The following L3MBTL4 variants were observed in gnomAD, a reference collection of about 807,000 sequenced individuals.
L3MBTL4 encodes the protein lethal(3)malignant brain tumor-like protein 4.
In L3MBTL4, 70 loss-of-function variants were observed where a neutral mutation model predicts 84.5. The observed-to-expected ratio is 0.83, with a 90% CI of 0.68 to 1.01. The LOEUF (loss-of-function observed/expected upper bound fraction) is 1.01, where lower values mean the gene tolerates loss of function less well. L3MBTL4 is among the 50% of genes least tolerant of loss of function. The probability of loss-of-function intolerance (pLI) is 0.00; values close to 1 mark genes in which losing one functional copy is unlikely to be tolerated. For missense variants in L3MBTL4, 715 were observed against 754.8 expected (o/e 0.95, Z 0.62); for synonymous variants, 274 against 259.8 (o/e 1.05, Z -0.52).
intron 12 of L3MBTL4, among the ~76,000 whole-genome samples, chr18:6,198,893 T>C (rs1428379661): frequency 6.6e-6 from 1 of 152,206 alleles, no homozygotes; most frequent in African/African-American, 2.4e-5. Flanking sequence ...ATCCTGAAAA[T>C]ATATTTTAGG....
At chr18:6,395,692 A>C (rs1179378428) in intron 1 of L3MBTL4, 1 of 152,208 alleles carries the variant, frequency 6.6e-6, no homozygotes, top group Non-Finnish European at 1.5e-5. Context: ...TTCACAATTA[A>C]ACACTGCAAA....
At chr18:6,078,851 G>A (rs141477372) in intron 16 of L3MBTL4, among the ~76,000 whole-genome samples, 2 of 152,294 alleles carry the variant, frequency 1.3e-5, no homozygotes, top group African/African-American at 4.8e-5. Context: ...CCCTGAGCTT[G>A]TTTTTCTGCA....
At chr18:6,241,688 T>C (rs2047458240) in intron 7 of L3MBTL4, among the ~76,000 whole-genome samples, 2 of 152,184 alleles carry the variant, frequency 1.3e-5, no homozygotes, top group Non-Finnish European at 2.9e-5. Context: ...CTTTTTAAAA[T>C]GTATTATGTG....
In L3MBTL4 at chr18:6,081,764, T is replaced by C. The variant is rs375073683; in HGVS notation, c.1374-813A>G. Among the ~76,000 whole-genome samples, 18 of 152,372 alleles carry C rather than the reference T, an allele frequency of 1.2e-4. No homozygotes were observed. The East Asian group carries it at 3.5e-3, about 29-fold the overall frequency. ...GAAACCGATTCAGTTACCAAAATCC[T>C]ACATAGAAACCTAAATGACTTACAG... On this transcript the variant is annotated intron_variant, in intron 15 of 18. Coordinates refer to ENST00000317931, the MANE Select transcript of L3MBTL4 (RefSeq NM_001330559.2).
chr18:6,306,049 C>G (rs1177849309), intron 3 of L3MBTL4, among the ~76,000 whole-genome samples: 1 of 152,188 alleles, frequency 6.6e-6, no homozygotes, highest in Non-Finnish European at 1.5e-5. Context: ...TAAGAACCTG[C>G]TATCTGTGCC....
At chr18:6,290,369 G>T (rs1226482426) in intron 4 of L3MBTL4, among the ~76,000 whole-genome samples, 2 of 149,656 alleles carry the variant, frequency 1.3e-5, no homozygotes, top group East Asian at 3.9e-4. Context: ...TTAGGTTTTT[G>T]ATTACTTAAA....
At chr18:6,214,343 A>C (rs572460508) in intron 11 of L3MBTL4, among the ~76,000 whole-genome samples, 1 of 152,350 alleles carries the variant, frequency 6.6e-6, no homozygotes, top group African/African-American at 2.4e-5. Context: ...AAGAAAAAAG[A>C]CACTGGACTT....
chr18:6,012,249 A>G (rs932011916), intron 16 of L3MBTL4, among the ~76,000 whole-genome samples: 1 of 152,136 alleles, frequency 6.6e-6, no homozygotes, highest in Non-Finnish European at 1.5e-5. Context: ...TTATCCTAAG[A>G]GCTGTCAGGG....
chr18:6,360,557 T>G (rs2053642302), intron 1 of L3MBTL4, among the ~76,000 whole-genome samples: 1 of 152,108 alleles, frequency 6.6e-6, no homozygotes. Flanking sequence ...AACTGAGAGA[T>G]CAAAGGTTGA....
rs529471662 is a variant in L3MBTL4, at chr18:6,373,891, T to G, written c.-91+40910A>C. ...GGAAAAACTGTGTTATTTTGTTTTG[T>G]TTTGTTTCCTAAGATACTGACAAAG... On this transcript the variant is annotated intron_variant, in intron 1 of 18. Coordinates refer to ENST00000317931, the MANE Select transcript of L3MBTL4 (RefSeq NM_001330559.2). 1.8e-4 allele frequency among the ~76,000 whole-genome samples: 28 copies of G among 152,342 alleles called. No homozygotes were observed. In the East Asian group the frequency reaches 5.2e-3, roughly 28 times the overall value.
At chr18:6,195,288 C>T (rs752279852) in intron 12 of L3MBTL4, among the ~76,000 whole-genome samples, 4 of 152,120 alleles carry the variant, frequency 2.6e-5, no homozygotes, top group Non-Finnish European at 5.9e-5. Context: ...GAGAAGGGGG[C>T]AGGTTTGCAT....
chr18:5,999,750 G>A (rs963899752), intron 16 of L3MBTL4, among the ~76,000 whole-genome samples: 3 of 152,234 alleles, frequency 2.0e-5, no homozygotes, highest in Non-Finnish European at 4.4e-5. Context: ...GCAGGGGAAG[G>A]GAAGAAAAGA....
intron 16 of L3MBTL4, among the ~76,000 whole-genome samples, chr18:6,073,862 G>GT (rs2057770465): frequency 6.6e-6 from 1 of 151,442 alleles, no homozygotes; most frequent in Non-Finnish European, 1.5e-5. Context: ...TTGTTTCTTT[G>GT]TTAAAAAAAA....
intron 1 of L3MBTL4, among the ~76,000 whole-genome samples, chr18:6,359,511 A>G (rs1291756747): frequency 6.6e-6 from 1 of 152,174 alleles, no homozygotes; most frequent in Non-Finnish European, 1.5e-5. Context: ...AATGGCTAAA[A>G]TAAGTTTTCT....
intron 1 of L3MBTL4, among the ~76,000 whole-genome samples, chr18:6,331,455 G>A (rs868696209): frequency 6.6e-6 from 1 of 151,956 alleles, no homozygotes; most frequent in Non-Finnish European, 1.5e-5. Context: ...CAACAACCTG[G>A]GATGCTCTCA....
At chr18:6,254,246 C>T (rs2146272302) in intron 5 of L3MBTL4, among the ~76,000 whole-genome samples, 1 of 152,184 alleles carries the variant, frequency 6.6e-6, no homozygotes, top group East Asian at 1.9e-4. Flanking sequence ...AGCCACATGG[C>T]TACCCTTCAA....
intron 16 of L3MBTL4, among the ~76,000 whole-genome samples, chr18:6,048,626 G>A (rs1248775860): frequency 2.0e-5 from 3 of 151,770 alleles, no homozygotes; most frequent in Non-Finnish European, 4.4e-5. Flanking sequence ...ATGAAACCCC[G>A]TCTCTACTAA....
intron 12 of L3MBTL4, among the ~76,000 whole-genome samples, chr18:6,209,383 C>T (rs1210553395): frequency 2.1e-5 from 3 of 144,792 alleles, no homozygotes; most frequent in Admixed American, 1.4e-4. Flanking sequence ...TTACTGAGCA[C>T]ATATAAATAA....
At chr18:6,089,061 A>G (rs954546115) in intron 15 of L3MBTL4, among the ~76,000 whole-genome samples, 2 of 152,142 alleles carry the variant, frequency 1.3e-5, no homozygotes, top group Non-Finnish European at 2.9e-5. Flanking sequence ...TATATTAAAC[A>G]ATGCTTCTGG....
Sources: gnomAD v4.1 joint callset for allele counts (sites outside exome capture counted in the v4.1 genomes callset) on GRCh38, gnomAD v4.1.1 for gene constraint, MANE v1.5 for transcripts, NCBI Gene and HGNC (gene_info 2026-07-23, HGNC 2026-07-21) for gene names.